Variants in KDM3B observed in about 807,000 individuals in gnomAD.
KDM3B encodes the protein lysine demethylase 3B.
KDM3B carries 10 observed loss-of-function variants against 170.0 expected under a neutral mutation model. That is an observed-to-expected ratio of 0.06 (90% CI 0.04 to 0.10). The LOEUF (loss-of-function observed/expected upper bound fraction) is 0.10, where lower values mean the gene tolerates loss of function less well. Ranked by LOEUF, KDM3B falls within the 10% of genes least tolerant of loss-of-function variation. The pLI is 1.00. For synonymous variants in KDM3B, 831 were observed against 834.8 expected (o/e 1.00, Z 0.08); for missense variants, 1,394 against 2,195.2 (o/e 0.64, Z 7.29).
chr5:138,363,838 G>A (rs569470907), intron 1 of KDM3B, among the ~76,000 whole-genome samples: 3 of 151,956 alleles, frequency 2.0e-5, no homozygotes, highest in Non-Finnish European at 2.9e-5. Flanking sequence ...GAGCCATTGC[G>A]CCTGGCCTCA....
intron 21 of KDM3B, 62 bp from the exon 22 acceptor site, chr5:138,430,187 G>C (rs1293238583): frequency 6.4e-7 from 1 of 1,563,676 alleles, no homozygotes; most frequent in African/African-American, 1.4e-5. Flanking sequence ...GCTGCAGCAA[G>C]TTGGATTTAT....
At chr5:138,415,996 T>C (rs900941482) in intron 12 of KDM3B, among the ~76,000 whole-genome samples, 1 of 150,902 alleles carries the variant, frequency 6.6e-6, no homozygotes, top group African/African-American at 2.4e-5. Context: ...GAGGCCAAGA[T>C]TGGAGGATCA....
intron 17 of KDM3B, 104 bp from the exon 18 acceptor site, chr5:138,426,862 CAAAAAAAAA>C (rs60899302): frequency 2.3e-5 from 13 of 553,622 alleles, no homozygotes; most frequent in East Asian, 2.0e-4. Context: ...GACTCTGTCT[CAAAAAAAAA>C]AAAAAAAAAG....
At chr5:138,430,449 G>T in intron 22 of KDM3B, 24 bp downstream of exon 22, 1 of 1,606,584 alleles carries the variant, frequency 6.2e-7, no homozygotes, top group Non-Finnish European at 8.5e-7. Context: ...TGGGGGTTGG[G>T]CTGAACAGTT....
chr5:138,428,179 CTT>C, intron 20 of KDM3B, 93 bp downstream of exon 20: 5 of 989,578 alleles, frequency 5.1e-6, no homozygotes, highest in South Asian at 2.0e-5. Flanking sequence ...GTGGCTTTTC[CTT>C]TTTTTTTTCT....
At chr5:138,425,779 G>C in intron 17 of KDM3B, 197 bp downstream of exon 17, 1 of 483,678 alleles carries the variant, frequency 2.1e-6, no homozygotes, top group Non-Finnish European at 3.6e-6. Context: ...AGGCTGATGT[G>C]TGGATCACTT....
At chr5:138,410,158 A>G (rs1288691586) in intron 11 of KDM3B, among the ~76,000 whole-genome samples, 2 of 152,224 alleles carry the variant, frequency 1.3e-5, no homozygotes, top group Non-Finnish European at 2.9e-5. Flanking sequence ...TTCTAAATTG[A>G]TATGTAATTA....
chr5:138,401,229 C>CAA (rs1392697973), intron 11 of KDM3B, among the ~76,000 whole-genome samples: 10 of 150,730 alleles, frequency 6.6e-5, no homozygotes, highest in African/African-American at 2.2e-4. Flanking sequence ...TGAGATCACG[C>CAA]CACTGTACTC....
intron 20 of KDM3B, 89 bp downstream of exon 20, chr5:138,428,175 T>C: frequency 1.5e-6 from 2 of 1,298,638 alleles, no homozygotes; most frequent in South Asian, 2.9e-5. Flanking sequence ...GCCAGTGGCT[T>C]TTCCTTTTTT....
intron 6 of KDM3B, 110 bp from the exon 7 acceptor site, chr5:138,385,912 G>A: frequency 7.9e-7 from 1 of 1,262,258 alleles, no homozygotes; most frequent in African/African-American, 1.5e-5. Context: ...ATTGGAACTT[G>A]GCAGTCTATG....
chr5:138,401,853 T>C (rs1423567395), intron 11 of KDM3B, among the ~76,000 whole-genome samples: 1 of 152,228 alleles, frequency 6.6e-6, no homozygotes, highest in East Asian at 1.9e-4. Context: ...CGTTTTGATT[T>C]GCTTTCCCCT....
chr5:138,403,346 A>G lies in KDM3B; in HGVS notation c.3199+3334A>G, dbSNP rs187155894. Among the ~76,000 whole-genome samples, 208 of 151,990 alleles carry G rather than the reference A, an allele frequency of 1.4e-3. 1 individual carries two copies. Among genetic ancestry groups the G allele is most frequent in the African/African-American group, 4.7e-3 (196 of 41,552 alleles). Reference sequence around the variant, plus strand: ...TAAGCTGAGGAGGGATAATCAATCAATAGGAAAAAACCCCAGAATGACGGT... The same window carrying G: ...TAAGCTGAGGAGGGATAATCAATCAGTAGGAAAAAACCCCAGAATGACGGT... On this transcript the variant is annotated intron_variant, in intron 11 of 23. Coordinates refer to ENST00000314358, the MANE Select transcript of KDM3B (RefSeq NM_016604.4).
intron 19 of KDM3B, 118 bp downstream of exon 19, chr5:138,427,437 G>A: frequency 4.3e-6 from 5 of 1,158,786 alleles, no homozygotes; most frequent in Admixed American, 4.7e-5. Context: ...TGCTGGAGAA[G>A]TGAATAGTAT....
intron 10 of KDM3B, 47 bp from the exon 11 acceptor site, chr5:138,399,813 T>G: frequency 6.3e-7 from 1 of 1,584,676 alleles, no homozygotes; most frequent in Non-Finnish European, 8.6e-7. Flanking sequence ...GGTCTTTTGT[T>G]ATTGGTCAGG....
chr5:138,406,882 T>C (rs1183605094), intron 11 of KDM3B, among the ~76,000 whole-genome samples: 2 of 151,636 alleles, frequency 1.3e-5, no homozygotes, highest in African/African-American at 4.8e-5. Context: ...AGTGAGACCC[T>C]ATCTCTTTAA....
At position 138,405,184 on chromosome 5, in the gene KDM3B, C is replaced by A. The variant is rs531506753; in HGVS notation, c.3199+5172C>A. 4.0e-4 allele frequency among the ~76,000 whole-genome samples: 61 copies of A among 152,104 alleles called. 1 individual carries two copies. The highest frequency in any genetic ancestry group is 1.5e-3 in the African/African-American group (61 of 41,488). Reference sequence around the variant, plus strand: ...TCAGCCTCCCAAGTAGCTGGGATTACAGGTTCCTGCCACCACGCCTGGCTA... The same window carrying A: ...TCAGCCTCCCAAGTAGCTGGGATTAAAGGTTCCTGCCACCACGCCTGGCTA... On this transcript the variant is annotated intron_variant, in intron 11 of 23. Coordinates refer to ENST00000314358, the MANE Select transcript of KDM3B (RefSeq NM_016604.4).
chr5:138,373,992 T>C (rs1365161387), intron 2 of KDM3B, among the ~76,000 whole-genome samples: 1 of 152,158 alleles, frequency 6.6e-6, no homozygotes, highest in Admixed American at 6.6e-5. Flanking sequence ...TTTTTGTCTT[T>C]TGTTTTTTGT....
Position 138,379,722 on chromosome 5 carries a change from T to C in KDM3B, c.705+14T>C. The C allele has an allele frequency of 6.2e-7, 1 of 1,611,386 alleles. No homozygotes were observed. Among genetic ancestry groups the C allele is most frequent in the Non-Finnish European group, 8.5e-7 (1 of 1,178,806 alleles). On this transcript the variant is annotated intron_variant, in intron 5 of 23. Transcript: ENST00000314358. ...TCTGTAACTGAGGTGAGACTCTGTG[T>C]TATTCTGTCTAAGGTCCATCCATCC... is the stretch of plus-strand genomic sequence containing the variant.
rs111877502 is a variant in KDM3B, at chr5:138,384,797, C to T, written c.781-1225C>T. ...GATGTGGTGGCACACACCTGTAGTC[C>T]CAGCTCCTGGGGAGGCTGAGGCAAG... is the stretch of plus-strand genomic sequence containing the variant. On this transcript the variant is annotated intron_variant, in intron 6 of 23. Transcript: ENST00000314358. Among the ~76,000 whole-genome samples, 507 of 150,218 alleles carry T rather than the reference C, an allele frequency of 3.4e-3. 9 individuals carry two copies. The highest frequency in any genetic ancestry group is 0.012 in the African/African-American group (478 of 41,066).
Sources: allele counts gnomAD v4.1 joint callset (sites outside exome capture counted in the v4.1 genomes callset), GRCh38; gene constraint gnomAD v4.1.1; transcripts MANE v1.5; gene names NCBI Gene and HGNC (gene_info 2026-07-23, HGNC 2026-07-21).